Variants in PPP4R4 observed in about 807,000 individuals in gnomAD.
PPP4R4 encodes the protein serine/threonine-protein phosphatase 4 regulatory subunit 4.
In PPP4R4, 70 loss-of-function variants were observed where a neutral mutation model predicts 121.8. The ratio of observed to expected loss-of-function variants is 0.57; its 90% CI spans 0.47 to 0.70. PPP4R4 has a LOEUF of 0.70. PPP4R4 is among the 30% of genes least tolerant of loss of function. PPP4R4 has a pLI of 0.00. For synonymous variants in PPP4R4, 348 were observed against 355.7 expected, an observed-to-expected ratio of 0.98 and a Z score of 0.24; for missense variants, 875 against 1,033.6, an observed-to-expected ratio of 0.85 and a Z score of 2.10.
rs755421815 is a variant in PPP4R4 at position 94,208,614 on chromosome 14, G to A, written c.294+48G>A. 9 of 1,459,654 alleles carry A rather than the reference G, an allele frequency of 6.2e-6. 1 individual carries two copies. In the South Asian group the frequency reaches 8.4e-5, roughly 14 times the overall value. 90.4% of individuals were successfully genotyped at this position (1,459,654 alleles called of 1,614,324 possible). On this transcript the variant is annotated intron_variant, in intron 3 of 24. Transcript: ENST00000304338. ...TGGAGTTTCCCATTTTTTCCCAGTA[G>A]CATGTTGTCATTGTTGAAAGGATTT...
At chr14:94,265,360 T>C in intron 20 of PPP4R4, 27 bp from the exon 21 acceptor site, 2 of 1,526,066 alleles carry the variant, frequency 1.3e-6, no homozygotes, top group South Asian at 1.1e-5. Context: ...GAGGAAATTA[T>C]ACAACTTAAA....
At chr14:94,233,827 A>T (rs1211873799) in intron 6 of PPP4R4, 68 bp downstream of exon 6, 1 of 1,033,050 alleles carries the variant, frequency 9.7e-7, no homozygotes, top group Non-Finnish European at 1.5e-6. Flanking sequence ...TGACTGTGTA[A>T]CAATATATTT....
At chr14:94,250,422 T>C in intron 15 of PPP4R4, 145 bp downstream of exon 15, 1 of 596,794 alleles carries the variant, frequency 1.7e-6, no homozygotes, top group Non-Finnish European at 3.0e-6. Context: ...CTAGAAATCC[T>C]TATGGCAAGA....
At chr14:94,264,970 C>T in intron 20 of PPP4R4, 23 bp downstream of exon 20, 1 of 1,489,246 alleles carries the variant, frequency 6.7e-7, no homozygotes, top group Non-Finnish European at 9.2e-7. Flanking sequence ...TCTATGTCTT[C>T]AACACTTAAT....
intron 2 of PPP4R4, among the ~76,000 whole-genome samples, chr14:94,182,940 C>T (rs2139382316): frequency 6.6e-6 from 1 of 152,152 alleles, no homozygotes; most frequent in East Asian, 1.9e-4. Flanking sequence ...AAGTGACAAA[C>T]TTCTAGTACA....
At position 94,256,478 on chromosome 14, in the gene PPP4R4, G is replaced by A. The variant is rs114970142; in HGVS notation, c.1884G>A (p.Leu628=). 2.2e-3 allele frequency: 3,497 copies of A among 1,597,004 alleles called. 80 individuals are homozygous for A. The East Asian group carries it at 0.027, about 12-fold the overall frequency. ...ATTGTAGAATGAAACTTTGCTACCT[G>A]TTGCCCAAAGTGAAATCTACTCTGA... is the stretch of plus-strand genomic sequence containing the variant. ...VANVRMKLCY[L]LPKVKSTLKI... Residue 628 remains leucine (L), a synonymous_variant, in exon 17 of 25, where the codon CTG becomes CTA. Transcript: ENST00000304338.
At chr14:94,217,870 C>G (rs972617594) in intron 3 of PPP4R4, among the ~76,000 whole-genome samples, 7 of 152,058 alleles carry the variant, frequency 4.6e-5, no homozygotes, top group African/African-American at 1.7e-4. Flanking sequence ...GGCACATCCC[C>G]GTAATCCCAG....
chr14:94,220,628 A>G (rs79080298), intron 3 of PPP4R4, among the ~76,000 whole-genome samples: 2,916 of 152,300 alleles, frequency 0.019, 91 homozygotes, highest in African/African-American at 0.066. Context: ...AGTTTTTCTT[A>G]AACTATCAAA....
chr14:94,174,627 T>A, intron 1 of PPP4R4, 45 bp downstream of exon 1: 9 of 1,600,112 alleles, frequency 5.6e-6, no homozygotes, highest in Non-Finnish European at 7.7e-6. Context: ...TCCGGCCGCC[T>A]GCCCCGCGCG....
chr14:94,175,208 G>A (rs1234893078), intron 1 of PPP4R4, among the ~76,000 whole-genome samples: 1 of 150,454 alleles, frequency 6.6e-6, no homozygotes, highest in Non-Finnish European at 1.5e-5. Flanking sequence ...TGCCCTCGAG[G>A]TAGCCCGGCC....
chr14:94,178,570 C>T (rs1269405037), intron 2 of PPP4R4, among the ~76,000 whole-genome samples: 1 of 151,854 alleles, frequency 6.6e-6, no homozygotes, highest in African/African-American at 2.4e-5. Flanking sequence ...GTACTGTCAT[C>T]GATAAAAAAC....
chr14:94,190,948 T>C (rs1889564610), intron 2 of PPP4R4, among the ~76,000 whole-genome samples: 1 of 151,948 alleles, frequency 6.6e-6, no homozygotes, highest in South Asian at 2.1e-4. Context: ...TACAGACACG[T>C]TTGTGTGCAT....
At chr14:94,180,518 A>T (rs559302401) in intron 2 of PPP4R4, among the ~76,000 whole-genome samples, 29 of 151,122 alleles carry the variant, frequency 1.9e-4, no homozygotes, top group African/African-American at 6.6e-4. Flanking sequence ...GACTTTAAAA[A>T]TATTTTTCAC....
chr14:94,217,967 A>G (rs1056968852), intron 3 of PPP4R4, among the ~76,000 whole-genome samples: 4 of 152,212 alleles, frequency 2.6e-5, no homozygotes, highest in African/African-American at 9.7e-5. Context: ...GCACTCTAGC[A>G]TAGGCAACAA....
chr14:94,259,047 T>G (rs1489956663), intron 18 of PPP4R4, among the ~76,000 whole-genome samples: 6 of 152,098 alleles, frequency 3.9e-5, no homozygotes, highest in Non-Finnish European at 5.9e-5. Flanking sequence ...AAACTCCCCC[T>G]TACAATACCA....
At chr14:94,262,166 C>T (rs774192616) in intron 19 of PPP4R4, among the ~76,000 whole-genome samples, 3 of 151,920 alleles carry the variant, frequency 2.0e-5, no homozygotes, top group Non-Finnish European at 4.4e-5. Flanking sequence ...GTGAAGTTAT[C>T]TAAGCCTGGA....
intron 3 of PPP4R4, among the ~76,000 whole-genome samples, chr14:94,219,532 A>C (rs907803945): frequency 6.6e-6 from 1 of 152,136 alleles, no homozygotes; most frequent in Non-Finnish European, 1.5e-5. Flanking sequence ...TTCCTGATAA[A>C]CTTTCAGGCC....
intron 3 of PPP4R4, among the ~76,000 whole-genome samples, chr14:94,215,658 T>C (rs1157819635): frequency 6.6e-6 from 1 of 152,180 alleles, no homozygotes; most frequent in African/African-American, 2.4e-5. Flanking sequence ...AGCATAAAAT[T>C]ATGTAACTTA....
chr14:94,213,599 CAT>C (rs1253178993), intron 3 of PPP4R4, among the ~76,000 whole-genome samples: 2 of 152,084 alleles, frequency 1.3e-5, no homozygotes, highest in Admixed American at 6.5e-5. Flanking sequence ...AATGCCATCA[CAT>C]GTGTCCTTAT....
Sources: gnomAD v4.1 joint callset for allele counts (sites outside exome capture counted in the v4.1 genomes callset) on GRCh38, gnomAD v4.1.1 for gene constraint, MANE v1.5 for transcripts, NCBI Gene and HGNC (gene_info 2026-07-23, HGNC 2026-07-21) for gene names.